Variants in SNTB1 observed in about 807,000 individuals in gnomAD.
The protein encoded by SNTB1 is syntrophin beta 1, also known as beta-1-syntrophin.
In SNTB1, 36 loss-of-function variants were observed where a neutral mutation model predicts 48.9. The observed-to-expected ratio is 0.74, with a 90% CI of 0.56 to 0.97. The LOEUF (loss-of-function observed/expected upper bound fraction) is 0.97, where lower values mean the gene tolerates loss of function less well. Ranked by LOEUF, SNTB1 falls within the 50% of genes least tolerant of loss-of-function variation. SNTB1 has a pLI of 0.00. For missense variants in SNTB1, 786 were observed against 703.4 expected, an observed-to-expected ratio of 1.12 and a Z score of -1.33; for synonymous variants, 299 against 294.6, an observed-to-expected ratio of 1.01 and a Z score of -0.15.
At chr8:120,702,218 A>C (rs975963313) in intron 1 of SNTB1, among the ~76,000 whole-genome samples, 13 of 152,176 alleles carry the variant, frequency 8.5e-5, no homozygotes, top group Admixed American at 4.6e-4. Context: ...CTGTTGCGGC[A>C]CAGGGTGGAG....
chr8:120,695,056 C>T (rs1016405854), intron 1 of SNTB1, among the ~76,000 whole-genome samples: 1 of 152,130 alleles, frequency 6.6e-6, no homozygotes. Context: ...TTTGGGTTAA[C>T]AGGGCAACGA....
intron 1 of SNTB1, among the ~76,000 whole-genome samples, chr8:120,720,427 C>T (rs955281320): frequency 6.6e-6 from 1 of 152,214 alleles, no homozygotes; most frequent in African/African-American, 2.4e-5. Context: ...GAGTCTTTTC[C>T]GTATGCCTCA....
chr8:120,689,398 T>C (rs1198650024), intron 2 of SNTB1, among the ~76,000 whole-genome samples: 1 of 152,320 alleles, frequency 6.6e-6, no homozygotes, highest in Non-Finnish European at 1.5e-5. Context: ...GAAATTGGGC[T>C]TGGGGTCAGC....
intron 2 of SNTB1, among the ~76,000 whole-genome samples, chr8:120,685,783 T>C (rs1394055788): frequency 1.3e-5 from 2 of 152,368 alleles, no homozygotes; most frequent in Non-Finnish European, 2.9e-5. Context: ...CCATTTTTAA[T>C]CATTTCTTTC....
intron 1 of SNTB1, among the ~76,000 whole-genome samples, 191 bp from the exon 2 acceptor site, chr8:120,694,099 C>G (rs371024021): frequency 9.9e-5 from 15 of 152,158 alleles, no homozygotes; most frequent in African/African-American, 3.1e-4. Context: ...TAGCTCTGTG[C>G]ATCTTAGAAC....
chr8:120,640,637 C>T (rs979549064), intron 2 of SNTB1, among the ~76,000 whole-genome samples: 1 of 152,144 alleles, frequency 6.6e-6, no homozygotes, highest in African/African-American at 2.4e-5. Context: ...TTGAGATAAC[C>T]ATGTGGTTTT....
At chr8:120,589,447 T>A (rs1269870510) in intron 3 of SNTB1, among the ~76,000 whole-genome samples, 2 of 152,250 alleles carry the variant, frequency 1.3e-5, no homozygotes, top group Admixed American at 6.5e-5. Flanking sequence ...ATTTTTGTTG[T>A]ATCCACTTGT....
At chr8:120,631,528 G>A (rs902198276) in intron 3 of SNTB1, among the ~76,000 whole-genome samples, 4 of 152,252 alleles carry the variant, frequency 2.6e-5, no homozygotes, top group African/African-American at 7.2e-5. Context: ...TTATTGTGAC[G>A]TTCCCTATTC....
chr8:120,728,627 A>G (rs962152121), intron 1 of SNTB1, among the ~76,000 whole-genome samples: 6 of 152,180 alleles, frequency 3.9e-5, no homozygotes, highest in African/African-American at 1.4e-4. Flanking sequence ...CACTTAGGAT[A>G]ATGGCCTCTG....
chr8:120,600,053 T>G (rs1048502793), intron 3 of SNTB1, among the ~76,000 whole-genome samples: 1 of 152,232 alleles, frequency 6.6e-6, no homozygotes, highest in Non-Finnish European at 1.5e-5. Context: ...TTGGAATATT[T>G]CAGTTCACCT....
intron 1 of SNTB1, among the ~76,000 whole-genome samples, chr8:120,740,885 C>T (rs1214032703): frequency 2.6e-5 from 4 of 152,130 alleles, no homozygotes; most frequent in South Asian, 4.1e-4. Flanking sequence ...CTCAACAGCA[C>T]ACAACCACTA....
chr8:120,729,923 A>C (rs1818823357), intron 1 of SNTB1, among the ~76,000 whole-genome samples: 1 of 152,066 alleles, frequency 6.6e-6, no homozygotes, highest in Non-Finnish European at 1.5e-5. Flanking sequence ...TGCCGCTCCT[A>C]AAGCCACCAT....
intron 1 of SNTB1, among the ~76,000 whole-genome samples, chr8:120,732,570 C>A (rs1026307088): frequency 6.6e-6 from 1 of 152,172 alleles, no homozygotes; most frequent in African/African-American, 2.4e-5. Context: ...CACTTGCAGG[C>A]GGCCACTCAA....
intron 1 of SNTB1, among the ~76,000 whole-genome samples, chr8:120,784,724 T>C (rs1260351807): frequency 2.0e-5 from 3 of 152,212 alleles, no homozygotes; most frequent in Admixed American, 2.0e-4. Context: ...CCTCTTCCAC[T>C]TGAAAAGACA....
rs553639997 is a variant in SNTB1, at chr8:120,782,469, T to G, written c.571+28804A>C. 3.2e-4 allele frequency among the ~76,000 whole-genome samples: 49 copies of G among 152,290 alleles called. 1 individual carries two copies. The highest frequency in any genetic ancestry group is 1.2e-3 in the African/African-American group (48 of 41,568). The stretch of plus-strand genomic sequence containing the variant: ...TTAAAATCAACTGAAATACAACATT[T>G]ATTGGTTAGAGATTTCCTGCACATT... On this transcript the variant is annotated intron_variant, in intron 1 of 6. Transcript: ENST00000517992.
In SNTB1 at chr8:120,769,006, C is replaced by A. The variant is rs1332680092; in HGVS notation, c.571+42267G>T. 3 of 152,248 alleles carry A rather than the reference C, an allele frequency of 2.0e-5. No individual in the cohort carries two copies. In the East Asian group the frequency reaches 5.8e-4, roughly 29 times the overall value. The allele number at this position is 152,248 out of a possible 1,614,324, so 9.4% of individuals were successfully genotyped here. ...GGGTGCCTTAAAAGAACGACAGACT[C>A]CCAGCCTCTCTCTTGGCCTGTGGAC... On this transcript the variant is annotated intron_variant, in intron 1 of 6. Transcript: ENST00000517992.
intron 5 of SNTB1, among the ~76,000 whole-genome samples, chr8:120,544,950 A>G (rs1333780642): frequency 6.6e-6 from 1 of 152,224 alleles, no homozygotes; most frequent in East Asian, 1.9e-4. Flanking sequence ...ATATGTTGCA[A>G]TAGAAGTTCT....
chr8:120,692,499 A>G (rs1008454873), intron 2 of SNTB1, among the ~76,000 whole-genome samples: 3 of 152,094 alleles, frequency 2.0e-5, no homozygotes, highest in Non-Finnish European at 4.4e-5. Context: ...TCCTCCTAAA[A>G]TATATGTTTT....
chr8:120,693,989 C>T (rs1377461075), intron 1 of SNTB1, 81 bp from the exon 2 acceptor site: 6 of 1,131,290 alleles, frequency 5.3e-6, no homozygotes, highest in Non-Finnish European at 8.0e-6. Flanking sequence ...CTGAAATAGA[C>T]TTGCTTTGGA....
Sources: allele counts gnomAD v4.1 joint callset (sites outside exome capture counted in the v4.1 genomes callset), GRCh38; gene constraint gnomAD v4.1.1; transcripts MANE v1.5; gene names NCBI Gene and HGNC (gene_info 2026-07-23, HGNC 2026-07-21).